The following FYN variants were observed in gnomAD, a reference collection of about 807,000 sequenced individuals.
FYN encodes FYN proto-oncogene, Src family tyrosine kinase, also known as tyrosine-protein kinase Fyn.
In FYN, 10 loss-of-function variants were observed where a neutral mutation model predicts 70.2. The ratio of observed to expected loss-of-function variants is 0.14; its 90% CI spans 0.09 to 0.24. The LOEUF is 0.24. Among genes scored for constraint, FYN ranks in the 10% least tolerant of loss-of-function variants. The pLI is 1.00. For missense variants in FYN, 319 were observed against 673.1 expected, an observed-to-expected ratio of 0.47 and a Z score of 5.82; for synonymous variants, 236 against 248.6, an observed-to-expected ratio of 0.95 and a Z score of 0.48.
intron 3 of FYN, among the ~76,000 whole-genome samples, chr6:111,731,174 C>T (rs1801432745): frequency 6.6e-6 from 1 of 152,242 alleles, no homozygotes. Flanking sequence ...TCTTCCCAGT[C>T]TCTATAGAGG....
At chr6:111,751,210 T>C (rs1019424295) in intron 3 of FYN, among the ~76,000 whole-genome samples, 3 of 152,344 alleles carry the variant, frequency 2.0e-5, no homozygotes, top group Non-Finnish European at 1.5e-5. Context: ...TTAGTCCATT[T>C]GTTTTCTCTG....
intron 3 of FYN, chr6:111,740,848 A>G (rs1801928644): frequency 6.6e-6 from 1 of 152,196 alleles, no homozygotes; most frequent in Non-Finnish European, 1.5e-5. Context: ...GCCACCTCTC[A>G]GAAAGGTTTT....
At chr6:111,866,410 C>T (rs1774107409) in intron 1 of FYN, among the ~76,000 whole-genome samples, 2 of 152,240 alleles carry the variant, frequency 1.3e-5, no homozygotes, top group African/African-American at 4.8e-5. Context: ...GGCACAATCT[C>T]AGCTCACTGC....
chr6:111,678,542 C>A (rs981353040), intron 12 of FYN, among the ~76,000 whole-genome samples: 5 of 152,202 alleles, frequency 3.3e-5, no homozygotes, highest in African/African-American at 1.2e-4. Context: ...CAATGACTAT[C>A]TTGACCCCAA....
chr6:111,777,235 C>T (rs1770986232), intron 3 of FYN, among the ~76,000 whole-genome samples: 1 of 152,124 alleles, frequency 6.6e-6, no homozygotes, highest in Admixed American at 6.5e-5. Flanking sequence ...GGTCATTTTT[C>T]GCTTGGAGTT....
intron 9 of FYN, chr6:111,699,601 A>G: frequency 6.2e-7 from 1 of 1,614,216 alleles, no homozygotes; most frequent in Non-Finnish European, 8.5e-7. Flanking sequence ...ATCTTTAGCC[A>G]ATCCAGAAGT....
At chr6:111,713,132 T>G (rs1232843072) in intron 5 of FYN, among the ~76,000 whole-genome samples, 2 of 152,170 alleles carry the variant, frequency 1.3e-5, no homozygotes, top group Non-Finnish European at 2.9e-5. Flanking sequence ...CGTTGGCCCT[T>G]TATGGCAGTA....
intron 3 of FYN, among the ~76,000 whole-genome samples, chr6:111,774,701 C>A (rs1367765468): frequency 6.6e-6 from 1 of 151,966 alleles, no homozygotes; most frequent in Admixed American, 6.6e-5. Context: ...TTTTTCCCCC[C>A]CTACTTATTA....
chr6:111,717,540 C>T (rs1368594720), intron 4 of FYN, among the ~76,000 whole-genome samples: 3 of 152,098 alleles, frequency 2.0e-5, no homozygotes, highest in Non-Finnish European at 4.4e-5. Context: ...CGGCTCACTG[C>T]AGCCTCCGCC....
chr6:111,808,754 C>T (rs539597673), intron 2 of FYN, among the ~76,000 whole-genome samples: 1 of 152,294 alleles, frequency 6.6e-6, no homozygotes, highest in South Asian at 2.1e-4. Context: ...AGGACAGCAG[C>T]TAAAGGCTGT....
At chr6:111,799,382 A>C (rs1017843807) in intron 2 of FYN, among the ~76,000 whole-genome samples, 1 of 152,184 alleles carries the variant, frequency 6.6e-6, no homozygotes, top group Admixed American at 6.5e-5. Context: ...AGAGGTGGGG[A>C]GAGGGAAAAA....
At chr6:111,870,216 T>C (rs1253396775) in intron 1 of FYN, among the ~76,000 whole-genome samples, 2 of 152,116 alleles carry the variant, frequency 1.3e-5, no homozygotes, top group African/African-American at 4.8e-5. Context: ...CTAAGGTATT[T>C]TAAAAGTGGG....
intron 12 of FYN, among the ~76,000 whole-genome samples, chr6:111,677,691 G>A (rs1005876388): frequency 2.0e-5 from 3 of 152,158 alleles, no homozygotes; most frequent in Admixed American, 6.5e-5. Context: ...GGGTGTAAAC[G>A]TTGCCTTTCC....
rs1430929482 is a variant in FYN at position 111,830,913 on chromosome 6, TTGTAGACAC to T, written c.-82+15667_-82+15675del. ...ATATATAAAGATGGATTTGTAGACATTGTAGACACTGTAGACATGGGCATGGGAGAGACT... is the reference window on the plus strand; with the variant it reads ...ATATATAAAGATGGATTTGTAGACATTGTAGACATGGGCATGGGAGAGACT... On this transcript the variant is annotated intron_variant, in intron 2 of 13. Transcript: ENST00000354650. Among the ~76,000 whole-genome samples the T allele has an allele frequency of 2.2e-5, 3 of 138,438 alleles. No homozygotes were observed. The East Asian group carries it at 7.8e-4, about 36-fold the overall frequency. The allele number at this position is 138,438 out of a possible 152,430, so 90.8% of individuals were successfully genotyped here.
chr6:111,685,170 C>A (rs1180797778), intron 12 of FYN, among the ~76,000 whole-genome samples: 1 of 152,234 alleles, frequency 6.6e-6, no homozygotes, highest in Non-Finnish European at 1.5e-5. Context: ...GAGGAACTCA[C>A]CTGAGTGATC....
At chr6:111,852,938 C>T (rs1409399612) in intron 1 of FYN, among the ~76,000 whole-genome samples, 1 of 152,176 alleles carries the variant, frequency 6.6e-6, no homozygotes, top group Non-Finnish European at 1.5e-5. Context: ...GTAGCACGTT[C>T]CACAAAGAGA....
intron 2 of FYN, among the ~76,000 whole-genome samples, chr6:111,821,430 T>C (rs1258053518): frequency 6.6e-6 from 1 of 152,158 alleles, no homozygotes; most frequent in Non-Finnish European, 1.5e-5. Flanking sequence ...TGGCTAGCCA[T>C]ATGTAGAGAG....
chr6:111,743,280 C>T (rs747604836), intron 3 of FYN, among the ~76,000 whole-genome samples: 9 of 152,048 alleles, frequency 5.9e-5, no homozygotes, highest in Non-Finnish European at 8.8e-5. Flanking sequence ...TCTTTTACAT[C>T]GTAGTTTTGA....
At chr6:111,857,726 A>C (rs899915798) in intron 1 of FYN, among the ~76,000 whole-genome samples, 16 of 152,210 alleles carry the variant, frequency 1.1e-4, no homozygotes, top group African/African-American at 3.6e-4. Flanking sequence ...CATTACAGGT[A>C]ACCTAGTGGC....
Sources: allele counts gnomAD v4.1 joint callset (sites outside exome capture counted in the v4.1 genomes callset), GRCh38; gene constraint gnomAD v4.1.1; transcripts MANE v1.5; gene names NCBI Gene and HGNC (gene_info 2026-07-23, HGNC 2026-07-21).